Variants in ADAMTS17 observed in about 807,000 individuals in gnomAD.
The protein encoded by ADAMTS17 is A disintegrin and metalloproteinase with thrombospondin motifs 17.
In ADAMTS17, 113 loss-of-function variants were observed where a neutral mutation model predicts 141.5. That is an observed-to-expected ratio of 0.80 (90% confidence interval 0.69 to 0.93). ADAMTS17 has a LOEUF of 0.93. Ranked by LOEUF, ADAMTS17 falls within the 40% of genes least tolerant of loss-of-function variation. The pLI is 0.00. For synonymous variants in ADAMTS17, 768 were observed against 630.6 expected (o/e 1.22, Z -3.27); for missense variants, 1,659 against 1,517.9 (o/e 1.09, Z -1.54).
chr15:100,204,604 C>G lies in ADAMTS17; in HGVS notation c.1076-5181G>C, dbSNP rs551081381. On this transcript the variant is annotated intron_variant, in intron 7 of 21. Coordinates refer to ENST00000268070, the MANE Select transcript of ADAMTS17 (RefSeq NM_139057.4). ...ACAAAGGAATAAAAAAGTTGGACCC[C>G]TACCTCACACCACATTTAAAATATA... Among the ~76,000 whole-genome samples the G allele has an allele frequency of 4.6e-5, 7 of 152,304 alleles. No individual in the cohort carries two copies. The East Asian group carries it at 1.3e-3, about 29-fold the overall frequency.
chr15:100,153,319 A>C (rs1003167275), intron 9 of ADAMTS17, among the ~76,000 whole-genome samples: 2 of 152,066 alleles, frequency 1.3e-5, no homozygotes, highest in African/African-American at 4.8e-5. Flanking sequence ...GGGAGCATTC[A>C]TTCACAGTGA....
chr15:100,076,512 T>C (rs918625758), intron 15 of ADAMTS17, among the ~76,000 whole-genome samples: 13 of 152,222 alleles, frequency 8.5e-5, no homozygotes, highest in Non-Finnish European at 1.5e-5. Context: ...GATACTTGTA[T>C]AGATCCTGTG....
intron 9 of ADAMTS17, among the ~76,000 whole-genome samples, chr15:100,153,322 C>T (rs11247161): frequency 0.87 from 131,713 of 152,066 alleles, 60,310 homozygotes; most frequent in East Asian, 1. Flanking sequence ...AGCATTCATT[C>T]ACAGTGAGAG....
chr15:100,175,206 T>A (rs2040295490), intron 8 of ADAMTS17, among the ~76,000 whole-genome samples: 1 of 152,220 alleles, frequency 6.6e-6, no homozygotes, highest in Non-Finnish European at 1.5e-5. Context: ...ACTCTGATAT[T>A]GCCTTTTATT....
chr15:99,982,328 C>T (rs1446200833), intron 20 of ADAMTS17, among the ~76,000 whole-genome samples: 2 of 152,244 alleles, frequency 1.3e-5, no homozygotes, highest in Non-Finnish European at 2.9e-5. Context: ...ACCAGGCCCT[C>T]CACAGGCAGG....
chr15:100,308,566 T>C (rs1441595571), intron 3 of ADAMTS17, among the ~76,000 whole-genome samples: 1 of 152,208 alleles, frequency 6.6e-6, no homozygotes, highest in African/African-American at 2.4e-5. Flanking sequence ...TGATGTATCA[T>C]AACTCCAAGT....
At chr15:100,024,155 A>G (rs2727116) in intron 18 of ADAMTS17, among the ~76,000 whole-genome samples, 26,146 of 152,160 alleles carry the variant, frequency 0.17, 6,444 homozygotes, top group African/African-American at 0.55. Context: ...GGGCAGTGGT[A>G]CAATTCAGCT....
intron 17 of ADAMTS17, among the ~76,000 whole-genome samples, chr15:100,051,179 C>A (rs1321580011): frequency 1.3e-5 from 2 of 152,048 alleles, no homozygotes; most frequent in East Asian, 3.9e-4. Flanking sequence ...GTGACTGTGG[C>A]CAAGAGGGAA....
chr15:100,030,755 A>G (rs1254522567), intron 18 of ADAMTS17, among the ~76,000 whole-genome samples: 1 of 152,234 alleles, frequency 6.6e-6, no homozygotes, highest in Non-Finnish European at 1.5e-5. Flanking sequence ...TGTTCTGACA[A>G]GAAGGGGAAT....
intron 12 of ADAMTS17, among the ~76,000 whole-genome samples, chr15:100,122,064 CA>C (rs1456018399): frequency 6.6e-6 from 1 of 152,248 alleles, no homozygotes; most frequent in East Asian, 1.9e-4. Context: ...CATCCCTGGA[CA>C]AAACTGTGGT....
chr15:100,277,897 G>A (rs1448293972), intron 4 of ADAMTS17, among the ~76,000 whole-genome samples: 1 of 152,214 alleles, frequency 6.6e-6, no homozygotes, highest in Admixed American at 6.5e-5. Flanking sequence ...GGCATATGCT[G>A]ACAGACGAAT....
chr15:100,183,735 C>A (rs1025395757), intron 8 of ADAMTS17, among the ~76,000 whole-genome samples: 1 of 152,160 alleles, frequency 6.6e-6, no homozygotes, highest in African/African-American at 2.4e-5. Context: ...TCTCTTGATC[C>A]TGTTTAAATA....
At chr15:100,026,038 T>C (rs2061509817) in intron 18 of ADAMTS17, among the ~76,000 whole-genome samples, 2 of 152,142 alleles carry the variant, frequency 1.3e-5, no homozygotes, top group Admixed American at 1.3e-4. Context: ...AAAAGGAACA[T>C]TACCAGAACC....
intron 7 of ADAMTS17, among the ~76,000 whole-genome samples, chr15:100,253,878 G>A (rs551498391): frequency 1.4e-4 from 21 of 152,070 alleles, no homozygotes; most frequent in Non-Finnish European, 2.5e-4. Context: ...CCCTTGGAAC[G>A]GCCTGGTGGC....
In ADAMTS17 at chr15:99,973,980, G is replaced by A. The variant is rs117623307; in HGVS notation, c.*422C>T. The A allele has an allele frequency of 1.2e-4, 21 of 180,024 alleles. No individual in the cohort carries two copies. The highest frequency in any genetic ancestry group is 6.3e-4 in the African/African-American group (12 of 19,134). The allele number at this position is 180,024 out of a possible 1,614,324, so 11.2% of individuals were successfully genotyped here. A position where few individuals can be genotyped will look rare whatever the true frequency, so the allele number is the denominator to read the frequency against. The stretch of plus-strand genomic sequence containing the variant: ...CACCTGCCCCTCCCTCCATGGTGTC[G>A]CCGGCTTTCAGAATAAAGCCTTTTC... On this transcript the variant is annotated 3_prime_UTR_variant, in exon 22 of 22. Coordinates refer to ENST00000268070, the MANE Select transcript of ADAMTS17 (RefSeq NM_139057.4).
At chr15:100,021,662 C>T (rs1469447082) in intron 18 of ADAMTS17, among the ~76,000 whole-genome samples, 1 of 152,162 alleles carries the variant, frequency 6.6e-6, no homozygotes, top group African/African-American at 2.4e-5. Context: ...CATAGTGCCA[C>T]CCAAGGACTG....
chr15:100,337,673 T>C lies in ADAMTS17; in HGVS notation c.450+3366A>G, dbSNP rs142032619. Reference sequence around the variant, plus strand: ...GGGTGGCCTTCCCAAGCTTTGTGAGTATCATCCAAGAAAGGATGGCCACTG... The same window carrying C: ...GGGTGGCCTTCCCAAGCTTTGTGAGCATCATCCAAGAAAGGATGGCCACTG... On this transcript the variant is annotated intron_variant, in intron 2 of 21. Coordinates refer to ENST00000268070, the MANE Select transcript of ADAMTS17 (RefSeq NM_139057.4). Among the ~76,000 whole-genome samples, 726 of 152,288 alleles carry C rather than the reference T, an allele frequency of 4.8e-3. 10 individuals carry two copies. The highest frequency in any genetic ancestry group is 4.9e-3 in the Non-Finnish European group (330 of 68,030).
At chr15:100,309,438 C>T (rs775090790) in intron 3 of ADAMTS17, among the ~76,000 whole-genome samples, 2 of 152,230 alleles carry the variant, frequency 1.3e-5, no homozygotes, top group African/African-American at 2.4e-5. Context: ...ACTGCAACCT[C>T]GGGGGTGCCC....
chr15:100,023,038 ATCGGGCTTT>A (rs2061433490), intron 18 of ADAMTS17, among the ~76,000 whole-genome samples: 1 of 152,158 alleles, frequency 6.6e-6, no homozygotes, highest in South Asian at 2.1e-4. Context: ...TTTCTGTCTA[ATCGGGCTTT>A]AAGGATTTCT....
Sources: allele counts gnomAD v4.1 joint callset (sites outside exome capture counted in the v4.1 genomes callset), GRCh38; gene constraint gnomAD v4.1.1; transcripts MANE v1.5; gene names NCBI Gene and HGNC (gene_info 2026-07-23, HGNC 2026-07-21).